The following PPP3CA variants were observed in gnomAD, a reference collection of about 807,000 sequenced individuals.
PPP3CA encodes CAM-PRP catalytic subunit.
PPP3CA carries 14 observed loss-of-function variants against 66.5 expected under a neutral mutation model. That is an observed-to-expected ratio of 0.21 (90% confidence interval 0.14 to 0.33). The LOEUF (loss-of-function observed/expected upper bound fraction) is 0.33. PPP3CA is among the 10% of genes least tolerant of loss of function. The pLI is 1.00. For synonymous variants in PPP3CA, 232 were observed against 226.2 expected, an observed-to-expected ratio of 1.03 and a Z score of -0.23; for missense variants, 317 against 639.5, an observed-to-expected ratio of 0.50 and a Z score of 5.44.
At chr4:101,317,239 A>C (rs190697082) in intron 1 of PPP3CA, among the ~76,000 whole-genome samples, 1 of 135,744 alleles carries the variant, frequency 7.4e-6, no homozygotes, top group East Asian at 2.1e-4. Flanking sequence ...GAGGCCCCTT[A>C]ACTCGGTACT....
intron 1 of PPP3CA, among the ~76,000 whole-genome samples, chr4:101,221,380 T>C (rs544002434): frequency 4.2e-4 from 64 of 151,706 alleles, no homozygotes; most frequent in Non-Finnish European, 8.0e-4. Context: ...TTTACATCTA[T>C]TTCAAATGTT....
intron 1 of PPP3CA, among the ~76,000 whole-genome samples, chr4:101,262,202 GCAGT>G (rs1156469743): frequency 1.3e-5 from 2 of 151,810 alleles, no homozygotes; most frequent in African/African-American, 2.4e-5. Flanking sequence ...CTGCAAATAG[GCAGT>G]CAAAGGCAGT....
chr4:101,123,752 A>C (rs1722109770), intron 2 of PPP3CA, among the ~76,000 whole-genome samples: 1 of 152,224 alleles, frequency 6.6e-6, no homozygotes, highest in Non-Finnish European at 1.5e-5. Flanking sequence ...CTTGAATTTC[A>C]TCCAAAGAGG....
chr4:101,164,443 T>C (rs1416193349), intron 2 of PPP3CA, among the ~76,000 whole-genome samples: 2 of 152,174 alleles, frequency 1.3e-5, no homozygotes, highest in African/African-American at 4.8e-5. Flanking sequence ...TTGTTGAATA[T>C]GTGTCAATAA....
intron 1 of PPP3CA, among the ~76,000 whole-genome samples, chr4:101,320,565 T>C (rs1729012476): frequency 6.6e-6 from 1 of 151,778 alleles, no homozygotes; most frequent in Non-Finnish European, 1.5e-5. Context: ...GGGGCTTGGA[T>C]TCCAGGTGAT....
intron 2 of PPP3CA, among the ~76,000 whole-genome samples, chr4:101,195,493 A>G (rs913341915): frequency 5.9e-5 from 9 of 152,086 alleles, no homozygotes. Flanking sequence ...TCAAATGGTG[A>G]TGATGATGAT....
intron 1 of PPP3CA, among the ~76,000 whole-genome samples, chr4:101,316,724 T>G (rs1325572728): frequency 6.6e-6 from 1 of 151,570 alleles, no homozygotes; most frequent in African/African-American, 2.4e-5. Flanking sequence ...GTCCAACTAT[T>G]TATAGAGATC....
At chr4:101,203,081 T>C (rs1370916016) in intron 1 of PPP3CA, among the ~76,000 whole-genome samples, 2 of 152,246 alleles carry the variant, frequency 1.3e-5, no homozygotes, top group Non-Finnish European at 2.9e-5. Context: ...AAAGCACTTA[T>C]TGAAATAAGC....
At chr4:101,074,363 T>C (rs1407841676) in intron 8 of PPP3CA, among the ~76,000 whole-genome samples, 1 of 152,184 alleles carries the variant, frequency 6.6e-6, no homozygotes, top group East Asian at 1.9e-4. Flanking sequence ...AGCAGATATC[T>C]ATAAGTTTGT....
chr4:101,257,805 C>T (rs1429678528), intron 1 of PPP3CA, among the ~76,000 whole-genome samples: 2 of 152,084 alleles, frequency 1.3e-5, no homozygotes, highest in Non-Finnish European at 2.9e-5. Flanking sequence ...TTAGGATATA[C>T]TCAGGAACAT....
intron 9 of PPP3CA, 106 bp downstream of exon 9, chr4:101,063,126 G>T: frequency 1.5e-6 from 2 of 1,354,922 alleles, no homozygotes; most frequent in Non-Finnish European, 2.0e-6. Flanking sequence ...TACAACTTGT[G>T]AATTTTATTG....
intron 2 of PPP3CA, among the ~76,000 whole-genome samples, chr4:101,175,667 T>C (rs544758806): frequency 4.6e-5 from 7 of 152,190 alleles, no homozygotes; most frequent in Admixed American, 2.6e-4. Context: ...TATTAAAAGA[T>C]GTGTATGCCT....
At chr4:101,080,486 T>C in intron 8 of PPP3CA, 46 bp downstream of exon 8, 1 of 1,045,108 alleles carries the variant, frequency 9.6e-7, no homozygotes, top group Non-Finnish European at 1.3e-6. Context: ...TTAAGAATTA[T>C]TACACATATT....
chr4:101,106,314 T>A (rs555155054), intron 3 of PPP3CA, among the ~76,000 whole-genome samples: 1 of 149,564 alleles, frequency 6.7e-6, no homozygotes, highest in South Asian at 2.1e-4. Context: ...GAGCTATGAC[T>A]GTGCTACTGC....
chr4:101,122,215 T>C (rs1291245207), intron 2 of PPP3CA, among the ~76,000 whole-genome samples: 1 of 152,228 alleles, frequency 6.6e-6, no homozygotes, highest in African/African-American at 2.4e-5. Context: ...CTTCTGACTT[T>C]TTCTTTGGAA....
At chr4:101,286,358 G>C (rs1157605413) in intron 1 of PPP3CA, among the ~76,000 whole-genome samples, 1 of 152,166 alleles carries the variant, frequency 6.6e-6, no homozygotes, top group Non-Finnish European at 1.5e-5. Flanking sequence ...AAACACAAAT[G>C]CCAACCACAA....
chr4:101,078,534 C>T (rs1378226732), intron 8 of PPP3CA, among the ~76,000 whole-genome samples: 1 of 152,162 alleles, frequency 6.6e-6, no homozygotes, highest in African/African-American at 2.4e-5. Flanking sequence ...TTTGTTTACA[C>T]TTAATCATCT....
intron 1 of PPP3CA, among the ~76,000 whole-genome samples, chr4:101,215,362 A>G (rs956288053): frequency 6.6e-6 from 1 of 152,066 alleles, no homozygotes; most frequent in Non-Finnish European, 1.5e-5. Context: ...TAATATTTGG[A>G]TGTAACTAAA....
At chr4:101,223,903 G>A (rs1172407174) in intron 1 of PPP3CA, among the ~76,000 whole-genome samples, 1 of 151,612 alleles carries the variant, frequency 6.6e-6, no homozygotes, top group African/African-American at 2.4e-5. Context: ...TTCTTCTGAA[G>A]TACCAGAAAA....
Sources: gnomAD v4.1 joint callset for allele counts (sites outside exome capture counted in the v4.1 genomes callset) on GRCh38, gnomAD v4.1.1 for gene constraint, MANE v1.5 for transcripts, NCBI Gene and HGNC (gene_info 2026-07-23, HGNC 2026-07-21) for gene names.